Variants in RCN1 observed in about 807,000 individuals in gnomAD.
The protein encoded by RCN1 is reticulocalbin 1.
Under a neutral mutation model 34.7 loss-of-function variants are expected in RCN1, and 14 were observed. The observed-to-expected ratio is 0.40, with a 90% CI of 0.27 to 0.63. The LOEUF (loss-of-function observed/expected upper bound fraction) is 0.63. RCN1 is among the 30% of genes least tolerant of loss of function. The pLI, the probability that RCN1 is intolerant of heterozygous loss-of-function variation, is 0.37. For synonymous variants in RCN1, 125 were observed against 165.5 expected, an observed-to-expected ratio of 0.76 and a Z score of 1.88; for missense variants, 326 against 425.1, an observed-to-expected ratio of 0.77 and a Z score of 2.05.
chr11:32,098,641 C>T (rs1211734067), intron 3 of RCN1, 113 bp downstream of exon 3: 2 of 875,992 alleles, frequency 2.3e-6, no homozygotes, highest in African/African-American at 1.7e-5. Flanking sequence ...TGGAGAAGGA[C>T]TCTGAAGTAG....
chr11:32,094,797 G>A (rs889253913), intron 1 of RCN1, among the ~76,000 whole-genome samples: 2 of 152,178 alleles, frequency 1.3e-5, no homozygotes, highest in African/African-American at 4.8e-5. Flanking sequence ...CCAAGATCAC[G>A]CAGATAATGG....
intron 4 of RCN1, chr11:32,102,248 C>G (rs779981191): frequency 2.3e-5 from 3 of 130,854 alleles, no homozygotes; most frequent in Non-Finnish European, 4.8e-5. Flanking sequence ...CAAACCTCAG[C>G]TTCCTCATCT....
chr11:32,098,631 T>C (rs1201700249), intron 3 of RCN1, 103 bp downstream of exon 3: 2 of 952,900 alleles, frequency 2.1e-6, no homozygotes, highest in Non-Finnish European at 3.1e-6. Context: ...TGAAGGGAAT[T>C]GGAGAAGGAC....
At chr11:32,100,425 G>A in intron 3 of RCN1, 123 bp from the exon 4 acceptor site, 1 of 749,464 alleles carries the variant, frequency 1.3e-6, no homozygotes. Context: ...AGGGAAGTAA[G>A]GCGATGAGCC....
chr11:32,092,658 G>C (rs540046010), intron 1 of RCN1, among the ~76,000 whole-genome samples: 5 of 152,264 alleles, frequency 3.3e-5, no homozygotes, highest in Admixed American at 1.3e-4. Flanking sequence ...GGTATCTGGT[G>C]GTCCTTGCAC....
chr11:32,097,438 G>A, intron 2 of RCN1, 101 bp downstream of exon 2: 1 of 789,810 alleles, frequency 1.3e-6, no homozygotes, highest in Non-Finnish European at 1.9e-6. Context: ...TCAGGGAGAT[G>A]TCACAGCCTC....
intron 5 of RCN1, among the ~76,000 whole-genome samples, chr11:32,103,925 C>T (rs1366465176): frequency 6.6e-6 from 1 of 152,214 alleles, no homozygotes; most frequent in African/African-American, 2.4e-5. Context: ...CCTAGTACTT[C>T]GGTATCTATT....
chr11:32,103,555 G>T, intron 5 of RCN1, 75 bp downstream of exon 5: 1 of 1,320,892 alleles, frequency 7.6e-7, no homozygotes, highest in South Asian at 1.2e-5. Flanking sequence ...TGCTTTTTCG[G>T]CGATAGCATT....
At chr11:32,096,754 C>T (rs1851976376) in intron 1 of RCN1, 2 of 171,360 alleles carry the variant, frequency 1.2e-5, no homozygotes, top group Admixed American at 6.3e-5. Flanking sequence ...CCTCAGTTTC[C>T]GTTACTCCAA....
rs1037788048 is a variant in RCN1, at chr11:32,091,685, G to A, written c.254+235G>A. 5.6e-6 allele frequency: 3 copies of A among 533,936 alleles called. No individual in the cohort carries two copies. The African/African-American group carries it at 6.1e-5, about 11-fold the overall frequency. The allele number at this position is 533,936 out of a possible 1,614,324, so 33.1% of individuals were successfully genotyped here. A position where few individuals can be genotyped will look rare whatever the true frequency, so the allele number is the denominator to read the frequency against. On this transcript the variant is annotated intron_variant, in intron 1 of 5. Coordinates refer to ENST00000054950, the MANE Select transcript of RCN1 (RefSeq NM_002901.4). ...CGGCCGGGGTGGTTTCTCGCGGGGA[G>A]GCGAGAACGTGGCAGCGGCCGCGGG...
chr11:32,091,478 G>A (rs765161590), intron 1 of RCN1, 28 bp downstream of exon 1: 5 of 1,535,742 alleles, frequency 3.3e-6, no homozygotes, highest in Non-Finnish European at 4.4e-6. Context: ...GCCCCGTGGG[G>A]GGCGGCGCAG....
Position 32,097,323 on chromosome 11 carries a change from A to G in RCN1, c.434A>G (p.Tyr145Cys). The G allele has an allele frequency of 6.4e-7, 1 of 1,572,408 alleles. No homozygotes were observed. Among genetic ancestry groups the G allele is most frequent in the Non-Finnish European group, 8.6e-7 (1 of 1,164,822 alleles). The change falls in exon 2 of 6, where the codon TAT becomes TGT. Residue 145 changes from tyrosine to cysteine, a missense_variant. By Grantham distance (194) the Tyr-to-Cys change is radical (BLOSUM62 -2). Transcript: ENST00000054950. ...ISWEEYKQAT[Y>C]GYYLGNPAEF... ...TGGGAAGAATACAAACAAGCCACCTATGGTTACTACCTAGGTAAGAGGTGC... is the reference window on the plus strand; with the variant it reads ...TGGGAAGAATACAAACAAGCCACCTGTGGTTACTACCTAGGTAAGAGGTGC...
intron 1 of RCN1, among the ~76,000 whole-genome samples, chr11:32,092,993 T>C (rs796143845): frequency 1.1e-4 from 17 of 152,346 alleles, no homozygotes; most frequent in African/African-American, 3.6e-4. Context: ...CTTTCTCTTC[T>C]CAGTTAGGAC....
At position 32,105,223 on chromosome 11, in the gene RCN1, A is replaced by G. The variant is rs1852097154; in HGVS notation, c.*751A>G. 6.0e-6 allele frequency: 1 copy of G among 166,794 alleles called. No homozygotes were observed. Among genetic ancestry groups the G allele is most frequent in the African/African-American group, 2.4e-5 (1 of 41,460 alleles). 10.3% of individuals were successfully genotyped at this position (166,794 alleles called of 1,614,324 possible). A position where few individuals can be genotyped will look rare whatever the true frequency, so the allele number is the denominator to read the frequency against. ...TAAATATACTTGAGAAAACTTTCTT[A>G]ATATGCCAATGAGGTAGGCCTGATC... On this transcript the variant is annotated 3_prime_UTR_variant, in exon 6 of 6. Transcript: ENST00000054950.
At chr11:32,101,353 A>G (rs916602147) in intron 4 of RCN1, among the ~76,000 whole-genome samples, 29 of 151,222 alleles carry the variant, frequency 1.9e-4, no homozygotes, top group African/African-American at 6.6e-4. Context: ...CTCCCTTCTC[A>G]TGGCAGCTCT....
At chr11:32,091,515 C>A in intron 1 of RCN1, 65 bp downstream of exon 1, 1 of 1,512,666 alleles carries the variant, frequency 6.6e-7, no homozygotes, top group Non-Finnish European at 8.8e-7. Flanking sequence ...TGGGCGAGAG[C>A]CACGCGGGAT....
Position 32,097,387 on chromosome 11 carries a change from CTT to C in RCN1, c.448+54_448+55del, listed in dbSNP as rs763936267. 3.8e-6 allele frequency: 5 copies of C among 1,332,566 alleles called. No individual in the cohort carries two copies. The East Asian group carries it at 1.3e-4, about 34-fold the overall frequency. 82.5% of individuals were successfully genotyped at this position (1,332,566 alleles called of 1,614,324 possible). ...ACACAGTGGGGGCCCAGATCACAAG[CTT>C]TTTGTAGACTCTCTCTTCTCTTATC... On this transcript the variant is annotated intron_variant, in intron 2 of 5. Coordinates refer to ENST00000054950, the MANE Select transcript of RCN1 (RefSeq NM_002901.4).
rs1852096259 is a variant in RCN1, at chr11:32,105,131, A to C, written c.*659A>C. 1.2e-5 allele frequency: 2 copies of C among 167,168 alleles called. No homozygotes were observed. The highest frequency in any genetic ancestry group is 2.9e-5 in the Non-Finnish European group (2 of 68,154). The allele number at this position is 167,168 out of a possible 1,614,324, so 10.4% of individuals were successfully genotyped here. A position where few individuals can be genotyped will look rare whatever the true frequency, so the allele number is the denominator to read the frequency against. On this transcript the variant is annotated 3_prime_UTR_variant, in exon 6 of 6. Coordinates refer to ENST00000054950, the MANE Select transcript of RCN1 (RefSeq NM_002901.4). ...TCAAGAAAGATAATGTGAAAAAGAA[A>C]GGAATTTAGAGGTAGGGAAAAGATG...
chr11:32,100,657 G>A (rs371701778), intron 4 of RCN1, 49 bp downstream of exon 4: 2 of 1,461,820 alleles, frequency 1.4e-6, no homozygotes, highest in Non-Finnish European at 1.9e-6. Context: ...TGGGCCACAT[G>A]ACCCCACCCA....
Sources: allele counts gnomAD v4.1 joint callset (sites outside exome capture counted in the v4.1 genomes callset), GRCh38; gene constraint gnomAD v4.1.1; transcripts MANE v1.5; gene names NCBI Gene and HGNC (gene_info 2026-07-23, HGNC 2026-07-21).